PPP1CC: variants seen among roughly 807,000 people sequenced by gnomAD.
PPP1CC encodes protein phosphatase 1 catalytic subunit gamma, also known as serine/threonine-protein phosphatase PP1-gamma catalytic subunit.
In PPP1CC, 16 loss-of-function variants were observed where a neutral mutation model predicts 38.4. The ratio of observed to expected loss-of-function variants is 0.42; its 90% CI spans 0.28 to 0.63. PPP1CC has a LOEUF of 0.63. Ranked by LOEUF, PPP1CC falls within the 30% of genes least tolerant of loss-of-function variation. The pLI, the probability that PPP1CC is intolerant of heterozygous loss-of-function variation, is 0.25. For missense variants in PPP1CC, 170 were observed against 391.3 expected (o/e 0.43, Z 4.77); for synonymous variants, 158 against 136.0 (o/e 1.16, Z -1.13).
chr12:110,719,108 C>T (rs1165472182), downstream of PPP1CC, among the ~76,000 whole-genome samples: 1 of 152,092 alleles, frequency 6.6e-6, no homozygotes, highest in Admixed American at 6.6e-5. Flanking sequence ...TAAAGATGTG[C>T]AGAATTTGCC....
the PPP1CC span, among the ~76,000 whole-genome samples, chr12:110,714,249 T>A: frequency 1.3e-5 from 2 of 152,120 alleles, no homozygotes; most frequent in Non-Finnish European, 2.9e-5. Flanking sequence ...CAGCAAATCT[T>A]AAGATTGCCT....
downstream of PPP1CC, among the ~76,000 whole-genome samples, chr12:110,718,979 CTT>C (rs2069709674): frequency 6.6e-6 from 1 of 151,944 alleles, no homozygotes; most frequent in Admixed American, 6.6e-5. Context: ...ATAAATGTTC[CTT>C]AAGAAAAACT....
At chr12:110,714,931 G>T (rs2069677071), downstream of PPP1CC, among the ~76,000 whole-genome samples, 1 of 150,748 alleles carries the variant, frequency 6.6e-6, no homozygotes, top group African/African-American at 2.5e-5. Context: ...AGCCCCATCA[G>T]ATGGTAAAAA....
rs910892112 is a variant in PPP1CC at position 110,719,999 on chromosome 12, T to C, written c.*1077A>G. On this transcript the variant is annotated 3_prime_UTR_variant, in exon 7 of 7. Transcript: ENST00000335007. ...TGAAACAGATTTCTTTTTTAACAGA[T>C]CTTAGTTTAAAAAAGTCATAGGTAC... 1.4e-6 allele frequency: 1 copy of C among 696,220 alleles called. No homozygotes were observed. The highest frequency in any genetic ancestry group is 2.3e-6 in the Non-Finnish European group (1 of 425,584). 43.1% of individuals were successfully genotyped at this position (696,220 alleles called of 1,614,324 possible).
At chr12:110,734,597 G>GC (rs2069920164) in intron 1 of PPP1CC, 1 of 153,576 alleles carries the variant, frequency 6.5e-6, no homozygotes, top group Non-Finnish European at 1.5e-5. Context: ...CTGCCTCGGC[G>GC]CCCAAAGTGC....
downstream of PPP1CC, among the ~76,000 whole-genome samples, chr12:110,719,341 T>C (rs2069713545): frequency 1.3e-5 from 2 of 152,154 alleles, no homozygotes; most frequent in African/African-American, 4.8e-5. Flanking sequence ...TTCTGTGTCC[T>C]TCAAAGAGTT....
chr12:110,742,627 CT>C, intron 1 of PPP1CC, 25 bp downstream of exon 1: 1 of 1,437,742 alleles, frequency 7.0e-7, no homozygotes, highest in South Asian at 1.5e-5. Flanking sequence ...CCGCCTCCCC[CT>C]TCAGCCGCCC....
chr12:110,737,477 CAAA>C (rs71083137), intron 1 of PPP1CC, among the ~76,000 whole-genome samples: 56 of 42,484 alleles, frequency 1.3e-3, no homozygotes, highest in Admixed American at 2.0e-3. Flanking sequence ...AAGAAAGACT[CAAA>C]AAAAAAAAAA....
downstream of PPP1CC, among the ~76,000 whole-genome samples, chr12:110,716,427 A>G (rs1038001981): frequency 6.6e-6 from 1 of 151,224 alleles, no homozygotes; most frequent in African/African-American, 2.4e-5. Context: ...GTCTTGGCTC[A>G]CTGCAACCTC....
At chr12:110,741,850 T>C (rs2070020386) in intron 1 of PPP1CC, among the ~76,000 whole-genome samples, 1 of 152,098 alleles carries the variant, frequency 6.6e-6, no homozygotes, top group African/African-American at 2.4e-5. Flanking sequence ...ATGAAATCTG[T>C]CTTAAGTGCT....
At chr12:110,721,235 A>C in intron 6 of PPP1CC, 70 bp from the exon 7 acceptor site, 1 of 1,333,904 alleles carries the variant, frequency 7.5e-7, no homozygotes, top group Non-Finnish European at 1.1e-6. Flanking sequence ...CTTAAATTTC[A>C]TTCAGATCTT....
chr12:110,739,173 G>A (rs998044277), intron 1 of PPP1CC, among the ~76,000 whole-genome samples: 2 of 152,044 alleles, frequency 1.3e-5, no homozygotes, highest in Non-Finnish European at 2.9e-5. Flanking sequence ...CGAGCGTGGT[G>A]GTGCATGCCT....
intron 2 of PPP1CC, among the ~76,000 whole-genome samples, chr12:110,731,516 T>TA (rs1448812772): frequency 6.6e-6 from 1 of 152,148 alleles, no homozygotes; most frequent in Non-Finnish European, 1.5e-5. Flanking sequence ...TCTCCATTCT[T>TA]AGTTTCATTT....
the PPP1CC span, among the ~76,000 whole-genome samples, chr12:110,713,074 A>C: frequency 3.3e-5 from 5 of 152,032 alleles, no homozygotes; most frequent in Admixed American, 6.5e-5. Context: ...ACTCCATCTC[A>C]AAAAAAGAAA....
At chr12:110,736,797 T>C (rs1476196208) in intron 1 of PPP1CC, among the ~76,000 whole-genome samples, 1 of 152,212 alleles carries the variant, frequency 6.6e-6, no homozygotes, top group Non-Finnish European at 1.5e-5. Flanking sequence ...TGAGATTATT[T>C]ATAAGGAATA....
chr12:110,722,365 A>C lies in PPP1CC; in HGVS notation c.748-96T>G. The C allele has an allele frequency of 2.6e-6, 4 of 1,562,914 alleles. No homozygotes were observed. The highest frequency in any genetic ancestry group is 1.8e-6 in the Non-Finnish European group (2 of 1,139,408). Reference sequence around the variant, plus strand: ...CATTGAGCCTGATATCTTGTGTTCCAGAAACACTTTGTATAAATAAGCAAT... The same window carrying C: ...CATTGAGCCTGATATCTTGTGTTCCCGAAACACTTTGTATAAATAAGCAAT... On this transcript the variant is annotated intron_variant, in intron 5 of 6. Coordinates refer to ENST00000335007, the MANE Select transcript of PPP1CC (RefSeq NM_002710.4). This position sits in a 1 kb window ranked among gnomAD's most constrained non-coding sequence, Gnocchi z 5.4.
At chr12:110,729,707 A>C (rs2069850308) in intron 3 of PPP1CC, among the ~76,000 whole-genome samples, 1 of 152,236 alleles carries the variant, frequency 6.6e-6, no homozygotes, top group Admixed American at 6.5e-5. Context: ...CTAATTATTT[A>C]CGTATTGCAA....
At position 110,720,771 on chromosome 12, in the gene PPP1CC, C is replaced by T. The variant is rs1209624289; in HGVS notation, c.*305G>A. 1 of 242,474 alleles carries T rather than the reference C, an allele frequency of 4.1e-6. No homozygotes were observed. Among genetic ancestry groups the T allele is most frequent in the African/African-American group, 2.3e-5 (1 of 43,894 alleles). 15.0% of individuals were successfully genotyped at this position (242,474 alleles called of 1,614,324 possible). On this transcript the variant is annotated 3_prime_UTR_variant, in exon 7 of 7. Transcript: ENST00000335007. ...TGGGTTGTACTGAATTAAAAAAGAT[C>T]AATTGTACACTTACTCCTCAGACAG...
chr12:110,711,856 C>T, the PPP1CC span, among the ~76,000 whole-genome samples: 22 of 151,820 alleles, frequency 1.4e-4, no homozygotes, highest in Admixed American at 1.4e-3. Flanking sequence ...ACTTGCGGGA[C>T]GGAGGTTGCA....
Sources: allele counts gnomAD v4.1 joint callset (sites outside exome capture counted in the v4.1 genomes callset), GRCh38; gene constraint gnomAD v4.1.1; non-coding constraint Gnocchi (gnomAD v3.1); transcripts MANE v1.5; gene names NCBI Gene and HGNC (gene_info 2026-07-23, HGNC 2026-07-21).